Variants in THOC5 observed in about 807,000 individuals in gnomAD.
THOC5 encodes the protein Fms-interacting protein.
In THOC5, 43 loss-of-function variants were observed where a neutral mutation model predicts 92.9. The ratio of observed to expected loss-of-function variants is 0.46; its 90% CI spans 0.36 to 0.60. The LOEUF (loss-of-function observed/expected upper bound fraction) is 0.60. THOC5 is among the 20% of genes least tolerant of loss of function. The pLI is 0.00. For synonymous variants in THOC5, 296 were observed against 320.1 expected (o/e 0.92, Z 0.80); for missense variants, 659 against 849.4 (o/e 0.78, Z 2.79).
chr22:29,532,183 G>C (rs1036157518), intron 7 of THOC5, among the ~76,000 whole-genome samples: 1 of 152,158 alleles, frequency 6.6e-6, no homozygotes, highest in Non-Finnish European at 1.5e-5. Flanking sequence ...CTACTGTCAG[G>C]GCACCCTGGC....
intron 15 of THOC5, among the ~76,000 whole-genome samples, chr22:29,517,867 C>G (rs999629629): frequency 6.6e-6 from 1 of 152,178 alleles, no homozygotes; most frequent in Non-Finnish European, 1.5e-5. Context: ...AGTTCCCTAC[C>G]TTGGGACAAA....
intron 8 of THOC5, chr22:29,531,258 T>G: frequency 1.0e-6 from 1 of 995,252 alleles, no homozygotes; most frequent in Non-Finnish European, 1.2e-6. Flanking sequence ...TGAGGTGGGG[T>G]GGGGTGGGGG....
At chr22:29,518,311 G>C (rs1014565731) in intron 15 of THOC5, among the ~76,000 whole-genome samples, 5 of 152,138 alleles carry the variant, frequency 3.3e-5, no homozygotes, top group Admixed American at 1.3e-4. Context: ...GTGATTACAG[G>C]CAAGAGCCAC....
intron 6 of THOC5, among the ~76,000 whole-genome samples, chr22:29,538,589 G>A (rs1468487922): frequency 3.3e-5 from 5 of 151,840 alleles, no homozygotes; most frequent in Non-Finnish European, 5.9e-5. Context: ...CTTGAAGCCA[G>A]GAATTCAAGA....
chr22:29,509,229 T>C (rs2063176251), intron 19 of THOC5, among the ~76,000 whole-genome samples: 1 of 145,228 alleles, frequency 6.9e-6, no homozygotes, highest in Non-Finnish European at 1.5e-5. Flanking sequence ...TGAGCCGAGA[T>C]CATGCTACTA....
Position 29,539,594 on chromosome 22 carries a change from A to G in THOC5, c.453-118T>C, listed in dbSNP as rs903944263. 7.2e-6 allele frequency: 8 copies of G among 1,111,612 alleles called. No individual in the cohort carries two copies. In the African/African-American group the frequency reaches 9.4e-5, roughly 13 times the overall value. The allele number at this position is 1,111,612 out of a possible 1,614,324, so 68.9% of individuals were successfully genotyped here. A position where few individuals can be genotyped will look rare whatever the true frequency, so the allele number is the denominator to read the frequency against. Reference sequence around the variant, plus strand: ...TAGTCCTGGTCTACAGGATCCTGGAATCCAGTCTTCTCCACAAATGCTCAT... The same window carrying G: ...TAGTCCTGGTCTACAGGATCCTGGAGTCCAGTCTTCTCCACAAATGCTCAT... On this transcript the variant is annotated intron_variant, in intron 5 of 19. Transcript: ENST00000490103.
chr22:29,546,786 T>C (rs1049881103), intron 2 of THOC5, among the ~76,000 whole-genome samples: 1 of 151,868 alleles, frequency 6.6e-6, no homozygotes, highest in African/African-American at 2.4e-5. Flanking sequence ...TTTTCCAAAC[T>C]TTTATGCTCT....
chr22:29,538,800 GGAAAAAAAAAA>G (rs1219179902), intron 6 of THOC5, among the ~76,000 whole-genome samples: 2 of 32,988 alleles, frequency 6.1e-5, no homozygotes, highest in Non-Finnish European at 1.1e-4. Context: ...CCATCTCTTT[GGAAAAAAAAAA>G]AAAAAAAAAA....
chr22:29,521,707 G>A (rs1374402744), intron 12 of THOC5, among the ~76,000 whole-genome samples: 1 of 152,114 alleles, frequency 6.6e-6, no homozygotes, highest in African/African-American at 2.4e-5. Flanking sequence ...AAATAGTGAC[G>A]CCACTGCCAC....
At chr22:29,525,695 T>C (rs2063528482) in intron 12 of THOC5, 143 bp downstream of exon 12, 1 of 569,046 alleles carries the variant, frequency 1.8e-6, no homozygotes, top group African/African-American at 1.9e-5. Flanking sequence ...GTGCCAGGAC[T>C]TCTGGTCCAT....
At chr22:29,549,540 T>C (rs1388371799) in intron 1 of THOC5, among the ~76,000 whole-genome samples, 1 of 152,140 alleles carries the variant, frequency 6.6e-6, no homozygotes, top group Non-Finnish European at 1.5e-5. Context: ...CACATTCCTC[T>C]CCAGGACTAC....
intron 17 of THOC5, among the ~76,000 whole-genome samples, chr22:29,513,384 C>T (rs2063265301): frequency 6.7e-6 from 1 of 148,812 alleles, no homozygotes. Flanking sequence ...GTTGCTTTAC[C>T]TCCCCCTGTC....
intron 2 of THOC5, among the ~76,000 whole-genome samples, chr22:29,546,764 T>G (rs936842750): frequency 4.6e-5 from 7 of 151,668 alleles, no homozygotes; most frequent in African/African-American, 1.7e-4. Context: ...TACTGTGTCA[T>G]CAGGCTACAA....
At chr22:29,540,731 T>C (rs1462510877) in intron 5 of THOC5, among the ~76,000 whole-genome samples, 1 of 152,204 alleles carries the variant, frequency 6.6e-6, no homozygotes, top group East Asian at 1.9e-4. Flanking sequence ...ATACTTAGAA[T>C]GTATTTCCTC....
intron 1 of THOC5, among the ~76,000 whole-genome samples, chr22:29,549,825 C>T (rs1314299609): frequency 2.0e-5 from 3 of 152,100 alleles, no homozygotes; most frequent in Non-Finnish European, 4.4e-5. Context: ...CCCAAACACT[C>T]CATGTCTTTT....
chr22:29,521,150 C>A, intron 12 of THOC5, 51 bp from the exon 13 acceptor site: 1 of 1,390,298 alleles, frequency 7.2e-7, no homozygotes, highest in Admixed American at 1.7e-5. Flanking sequence ...CATCTTTCTT[C>A]AACATAGGCT....
rs750758686 is a variant in THOC5, at chr22:29,506,589, C to G, written c.*1868G>C. 1.6e-4 allele frequency: 24 copies of G among 152,348 alleles called. No individual in the cohort carries two copies. Among genetic ancestry groups the G allele is most frequent in the African/African-American group, 4.8e-4 (20 of 41,468 alleles). The allele number at this position is 152,348 out of a possible 1,614,324, so 9.4% of individuals were successfully genotyped here. ...TTGGGAGGCTGAGGCAGGAGGATCACTTGAACCCAGGAGAGGTTGAGGCGG... is the reference window on the plus strand; with the variant it reads ...TTGGGAGGCTGAGGCAGGAGGATCAGTTGAACCCAGGAGAGGTTGAGGCGG... On this transcript the variant is annotated 3_prime_UTR_variant, in exon 20 of 20. Coordinates refer to ENST00000490103, the MANE Select transcript of THOC5 (RefSeq NM_003678.5).
chr22:29,542,298 G>C (rs1384051302), intron 5 of THOC5, among the ~76,000 whole-genome samples: 1 of 152,148 alleles, frequency 6.6e-6, no homozygotes, highest in Non-Finnish European at 1.5e-5. Context: ...CTGATAGGGA[G>C]AGAGACCTGC....
intron 7 of THOC5, among the ~76,000 whole-genome samples, chr22:29,532,280 C>A (rs113210068): frequency 6.7e-6 from 1 of 148,284 alleles, no homozygotes; most frequent in Non-Finnish European, 1.5e-5. Flanking sequence ...GGTAACTTAG[C>A]GAGATGCCAT....
Sources: gnomAD v4.1 joint callset for allele counts (sites outside exome capture counted in the v4.1 genomes callset) on GRCh38, gnomAD v4.1.1 for gene constraint, MANE v1.5 for transcripts, NCBI Gene and HGNC (gene_info 2026-07-23, HGNC 2026-07-21) for gene names.